Variants in IPO7 observed in about 807,000 individuals in gnomAD.
IPO7 encodes the protein importin-7.
IPO7 carries 13 observed loss-of-function variants against 136.4 expected under a neutral mutation model. The observed-to-expected ratio is 0.10, with a 90% CI of 0.06 to 0.15. The LOEUF (loss-of-function observed/expected upper bound fraction) is 0.15, where lower values mean the gene tolerates loss of function less well. IPO7 is among the 10% of genes least tolerant of loss of function. The pLI is 1.00. For synonymous variants in IPO7, 403 were observed against 404.4 expected, an observed-to-expected ratio of 1.00 and a Z score of 0.04; for missense variants, 857 against 1,240.6, an observed-to-expected ratio of 0.69 and a Z score of 4.65.
At chr11:9,408,941 T>C (rs934409159) in intron 3 of IPO7, among the ~76,000 whole-genome samples, 11 of 151,910 alleles carry the variant, frequency 7.2e-5, no homozygotes, top group African/African-American at 2.7e-4. Flanking sequence ...CTCGATTTCC[T>C]GACCTCGTGA....
In IPO7 at chr11:9,446,127, G is replaced by A. The variant is rs561623258; in HGVS notation, c.*933G>A. ...AAAAATAAAAAAGGTGGTATCTAGA[G>A]CATGTAAATTGGATATAAAGTTCTG... On this transcript the variant is annotated 3_prime_UTR_variant, in exon 25 of 25. Transcript: ENST00000379719. 6.6e-6 allele frequency: 1 copy of A among 152,278 alleles called. No individual in the cohort carries two copies. The highest frequency in any genetic ancestry group is 1.9e-4 in the East Asian group (1 of 5,186). 9.4% of individuals were successfully genotyped at this position (152,278 alleles called of 1,614,324 possible).
chr11:9,389,501 A>G (rs1220560744), intron 1 of IPO7, among the ~76,000 whole-genome samples: 2 of 152,220 alleles, frequency 1.3e-5, no homozygotes, highest in African/African-American at 2.4e-5. Context: ...GCCTTTCTAG[A>G]GCTCCATAAT....
chr11:9,391,820 C>T (rs1854636978), intron 1 of IPO7, among the ~76,000 whole-genome samples: 1 of 152,094 alleles, frequency 6.6e-6, no homozygotes, highest in Non-Finnish European at 1.5e-5. Flanking sequence ...GGCTGGAGTG[C>T]AGTAGTATGA....
intron 2 of IPO7, 120 bp from the exon 3 acceptor site, chr11:9,408,366 A>C (rs1419481691): frequency 2.0e-6 from 1 of 506,954 alleles, no homozygotes. Flanking sequence ...GTATTTTGTT[A>C]ATGAAAGCAT....
chr11:9,429,442 G>T (rs576983711), intron 14 of IPO7, among the ~76,000 whole-genome samples: 1 of 152,058 alleles, frequency 6.6e-6, no homozygotes, highest in Admixed American at 6.6e-5. Context: ...ACGGTTCGAG[G>T]CTGCAGTGTG....
intron 22 of IPO7, among the ~76,000 whole-genome samples, chr11:9,438,647 T>C (rs1340427330): frequency 6.6e-6 from 1 of 151,794 alleles, no homozygotes; most frequent in Admixed American, 6.6e-5. Context: ...AATATATATA[T>C]ATATCACTAG....
At chr11:9,434,463 G>A (rs1283171385) in intron 18 of IPO7, among the ~76,000 whole-genome samples, 1 of 151,968 alleles carries the variant, frequency 6.6e-6, no homozygotes, top group Non-Finnish European at 1.5e-5. Flanking sequence ...TTTAATAATA[G>A]GTTCATTTCT....
intron 10 of IPO7, among the ~76,000 whole-genome samples, 167 bp downstream of exon 10, chr11:9,424,043 A>G (rs1285413490): frequency 6.6e-6 from 1 of 152,184 alleles, no homozygotes; most frequent in Non-Finnish European, 1.5e-5. Flanking sequence ...ACATTTGATA[A>G]TGATAATCTT....
Position 9,435,617 on chromosome 11 carries a change from T to C in IPO7, c.2172+586T>C, listed in dbSNP as rs920861396. Among the ~76,000 whole-genome samples the C allele has an allele frequency of 3.9e-5, 6 of 152,218 alleles. No homozygotes were observed. In the East Asian group the frequency reaches 7.7e-4, roughly 20 times the overall value. On this transcript the variant is annotated intron_variant, in intron 19 of 24. Coordinates refer to ENST00000379719, the MANE Select transcript of IPO7 (RefSeq NM_006391.3). Reference sequence around the variant, plus strand: ...ACACATAATCATCTAGTTATGTTAGTCATTTTTTACTGCCAATTATATTAT... The same window carrying C: ...ACACATAATCATCTAGTTATGTTAGCCATTTTTTACTGCCAATTATATTAT...
intron 15 of IPO7, 111 bp from the exon 16 acceptor site, chr11:9,430,764 T>G: frequency 1.3e-6 from 1 of 787,924 alleles, no homozygotes; most frequent in South Asian, 1.8e-5. Flanking sequence ...TTTGGAGACA[T>G]TGATTTGTTG....
At chr11:9,397,230 C>A (rs1347297293) in intron 1 of IPO7, among the ~76,000 whole-genome samples, 2 of 148,694 alleles carry the variant, frequency 1.3e-5, no homozygotes, top group African/African-American at 2.5e-5. Flanking sequence ...GCTTCCACTT[C>A]CAGCTATTAT....
chr11:9,436,370 A>C lies in IPO7; in HGVS notation c.2268+4A>C, dbSNP rs1441212722. 3.8e-6 allele frequency: 6 copies of C among 1,591,996 alleles called. No individual in the cohort carries two copies. The highest frequency in any genetic ancestry group is 4.3e-6 in the Non-Finnish European group (5 of 1,161,700). On this transcript the variant is annotated splice_donor_region_variant and intron_variant, in intron 20 of 24. Transcript: ENST00000379719. ...CAAAGGGCGTGGCATTGACCAGGTC[A>C]GTGAAGCTAATAATGATTTGTAGTT... is the stretch of plus-strand genomic sequence containing the variant.
intron 1 of IPO7, among the ~76,000 whole-genome samples, chr11:9,389,024 T>G (rs1028773065): frequency 6.6e-6 from 1 of 151,824 alleles, no homozygotes; most frequent in African/African-American, 2.4e-5. Flanking sequence ...AGGCTTTAGC[T>G]CTTTTATTTA....
At position 9,446,783 on chromosome 11, in the gene IPO7, T is replaced by C. The variant is rs1321799687; in HGVS notation, c.*1589T>C. 3 of 152,218 alleles carry C rather than the reference T, an allele frequency of 2.0e-5. No individual in the cohort carries two copies. Among genetic ancestry groups the C allele is most frequent in the African/African-American group, 7.2e-5 (3 of 41,462 alleles). 9.4% of individuals were successfully genotyped at this position (152,218 alleles called of 1,614,324 possible). On this transcript the variant is annotated 3_prime_UTR_variant, in exon 25 of 25. Coordinates refer to ENST00000379719, the MANE Select transcript of IPO7 (RefSeq NM_006391.3). ...TTGTTGTGTTTTTCTTGTATACCAA[T>C]AATTAAGCCACTACTGTTGGCACTG...
At chr11:9,433,979 A>T in intron 18 of IPO7, 133 bp downstream of exon 18, 5 of 850,272 alleles carry the variant, frequency 5.9e-6, no homozygotes, top group Non-Finnish European at 8.9e-6. Flanking sequence ...GCTGGAGTGC[A>T]ATGGTGCGAT....
chr11:9,390,238 T>C (rs2133716870), intron 1 of IPO7, among the ~76,000 whole-genome samples: 1 of 152,120 alleles, frequency 6.6e-6, no homozygotes, highest in African/African-American at 2.4e-5. Flanking sequence ...TCACTTGCTT[T>C]ATATGAAAAA....
intron 1 of IPO7, among the ~76,000 whole-genome samples, chr11:9,396,907 GT>G (rs1228179981): frequency 1.3e-5 from 2 of 151,842 alleles, no homozygotes; most frequent in South Asian, 4.2e-4. Flanking sequence ...TCTCAGTTTT[GT>G]TTTTTTAAGT....
chr11:9,433,357 A>G (rs1855326691), intron 16 of IPO7: 2 of 518,994 alleles, frequency 3.9e-6, no homozygotes, highest in Non-Finnish European at 6.8e-6. Flanking sequence ...AAATTAAGCT[A>G]GCCATTCCTT....
chr11:9,399,496 A>C (rs1048573082), intron 1 of IPO7, among the ~76,000 whole-genome samples: 2 of 152,186 alleles, frequency 1.3e-5, no homozygotes, highest in South Asian at 2.1e-4. Context: ...TAGAATTGAC[A>C]GGACTTGATA....
Sources: gnomAD v4.1 joint callset for allele counts (sites outside exome capture counted in the v4.1 genomes callset) on GRCh38, gnomAD v4.1.1 for gene constraint, MANE v1.5 for transcripts, NCBI Gene and HGNC (gene_info 2026-07-23, HGNC 2026-07-21) for gene names.